The following STK31 variants were observed in gnomAD, a reference collection of about 807,000 sequenced individuals.
STK31 encodes serine/threonine-protein kinase 31.
A neutral mutation model predicts 129.7 loss-of-function variants in STK31; 89 were observed. The ratio of observed to expected loss-of-function variants is 0.69; its 90% CI spans 0.58 to 0.82. The LOEUF is 0.82. Ranked by LOEUF, STK31 falls within the 40% of genes least tolerant of loss-of-function variation. STK31 has a pLI of 0.00. For synonymous variants in STK31, 448 were observed against 395.3 expected, an observed-to-expected ratio of 1.13 and a Z score of -1.58; for missense variants, 1,187 against 1,176.4, an observed-to-expected ratio of 1.01 and a Z score of -0.13.
intron 22 of STK31, among the ~76,000 whole-genome samples, chr7:23,793,554 C>T (rs1791769431): frequency 6.6e-6 from 1 of 152,072 alleles, no homozygotes; most frequent in Admixed American, 6.6e-5. Flanking sequence ...GAAGACTGCC[C>T]AGTTAAGAAA....
intron 22 of STK31, among the ~76,000 whole-genome samples, chr7:23,795,365 T>G (rs1791889048): frequency 6.6e-6 from 1 of 152,220 alleles, no homozygotes. Flanking sequence ...AGAATGGTGG[T>G]TTGGGAACTT....
At chr7:23,752,595 C>T (rs1788779971) in intron 8 of STK31, 122 bp from the exon 9 acceptor site, 2 of 698,532 alleles carry the variant, frequency 2.9e-6, no homozygotes, top group Non-Finnish European at 5.1e-6. Context: ...TCCTCCTTGG[C>T]CTCCCAAAGT....
intron 17 of STK31, among the ~76,000 whole-genome samples, chr7:23,785,106 A>C (rs1429552446): frequency 6.6e-6 from 1 of 152,180 alleles, no homozygotes; most frequent in Non-Finnish European, 1.5e-5. Context: ...ACACTAACCC[A>C]ATATGTAGTC....
intron 11 of STK31, among the ~76,000 whole-genome samples, chr7:23,767,615 G>C (rs540360338): frequency 1.3e-5 from 2 of 152,296 alleles, no homozygotes; most frequent in African/African-American, 2.4e-5. Context: ...GAAGGAAAGA[G>C]AATGGTCAGG....
In STK31 at chr7:23,717,394, T is replaced by C. The variant is rs1341826006; in HGVS notation, c.151-87T>C. On this transcript the variant is annotated intron_variant, in intron 3 of 23. Coordinates refer to ENST00000355870, the MANE Select transcript of STK31 (RefSeq NM_031414.5). ...TTAATTTCTAATGGCCTAAAATCTT[T>C]TAAGTTTATCATGCTTAGAACCCTC... is the stretch of plus-strand genomic sequence containing the variant. The C allele has an allele frequency of 1.6e-5, 8 of 504,804 alleles. No homozygotes were observed. The East Asian group carries it at 2.9e-4, about 18-fold the overall frequency. The allele number at this position is 504,804 out of a possible 1,614,324, so 31.3% of individuals were successfully genotyped here.
intron 23 of STK31, among the ~76,000 whole-genome samples, chr7:23,821,133 T>G (rs139938352): frequency 4.6e-5 from 7 of 152,326 alleles, no homozygotes; most frequent in African/African-American, 1.7e-4. Flanking sequence ...TTTCATATAC[T>G]GATTTCCTTT....
At chr7:23,756,871 G>A (rs959746220) in intron 10 of STK31, among the ~76,000 whole-genome samples, 4 of 152,142 alleles carry the variant, frequency 2.6e-5, no homozygotes, top group Non-Finnish European at 5.9e-5. Flanking sequence ...GTTTTTTGAT[G>A]TGCTGCGGGA....
chr7:23,714,007 A>G (rs992511223), intron 3 of STK31, among the ~76,000 whole-genome samples: 2 of 152,104 alleles, frequency 1.3e-5, no homozygotes, highest in African/African-American at 4.8e-5. Flanking sequence ...CAAATATGTG[A>G]GTAATGCATT....
intron 8 of STK31, among the ~76,000 whole-genome samples, chr7:23,743,976 G>A (rs1449259959): frequency 5.3e-5 from 8 of 151,850 alleles, no homozygotes; most frequent in Non-Finnish European, 1.2e-4. Context: ...ATAGAGTGCA[G>A]TGGCACAATC....
At chr7:23,767,419 A>G (rs1183862008) in intron 11 of STK31, among the ~76,000 whole-genome samples, 1 of 152,148 alleles carries the variant, frequency 6.6e-6, no homozygotes, top group Non-Finnish European at 1.5e-5. Flanking sequence ...GAATGGGGTT[A>G]TTTTTATTTT....
chr7:23,823,353 A>G (rs56228207), intron 23 of STK31, among the ~76,000 whole-genome samples: 22,776 of 152,018 alleles, frequency 0.15, 1,794 homozygotes, highest in East Asian at 0.22. Context: ...GCCAGTGATG[A>G]TGAGCATTTT....
chr7:23,754,902 A>G (rs928246467), intron 10 of STK31, among the ~76,000 whole-genome samples: 4 of 152,278 alleles, frequency 2.6e-5, no homozygotes, highest in African/African-American at 9.6e-5. Context: ...TCTATCGTTG[A>G]TGGGCATTTG....
chr7:23,805,082 T>TC (rs1491573455), intron 22 of STK31, among the ~76,000 whole-genome samples: 1 of 76,696 alleles, frequency 1.3e-5, no homozygotes. Flanking sequence ...TCTCTCTCTC[T>TC]TTTTTTTTTT....
chr7:23,769,561 C>A, intron 12 of STK31, 79 bp from the exon 13 acceptor site: 1 of 983,040 alleles, frequency 1.0e-6, no homozygotes, highest in Non-Finnish European at 1.6e-6. Context: ...TAGCTTAATA[C>A]TCTGCTTCAG....
intron 8 of STK31, among the ~76,000 whole-genome samples, chr7:23,751,741 T>A (rs1382938464): frequency 1.3e-5 from 2 of 152,214 alleles, no homozygotes; most frequent in African/African-American, 4.8e-5. Context: ...AAAAGTTCTA[T>A]TATTATGCAA....
At chr7:23,798,864 A>T (rs1212608790) in intron 22 of STK31, among the ~76,000 whole-genome samples, 1 of 152,224 alleles carries the variant, frequency 6.6e-6, no homozygotes, top group East Asian at 1.9e-4. Context: ...CTCAGCCCAA[A>T]ATCTCCTTAA....
At chr7:23,831,990 G>A in intron 23 of STK31, 146 bp from the exon 24 acceptor site, 1 of 590,294 alleles carries the variant, frequency 1.7e-6, no homozygotes, top group Non-Finnish European at 3.0e-6. Flanking sequence ...GTTTTTTTTT[G>A]TTGAGGGGAG....
intron 10 of STK31, among the ~76,000 whole-genome samples, chr7:23,757,241 G>C (rs552353774): frequency 6.6e-6 from 1 of 152,090 alleles, no homozygotes; most frequent in Non-Finnish European, 1.5e-5. Flanking sequence ...ACCTGTGGGC[G>C]TTTCTCGTCA....
chr7:23,737,835 C>T (rs770216819), intron 8 of STK31, among the ~76,000 whole-genome samples: 1 of 151,258 alleles, frequency 6.6e-6, no homozygotes, highest in Non-Finnish European at 1.5e-5. Flanking sequence ...AAATTTTCCC[C>T]CCCAGGGATA....
Sources: gnomAD v4.1 joint callset for allele counts (sites outside exome capture counted in the v4.1 genomes callset) on GRCh38, gnomAD v4.1.1 for gene constraint, MANE v1.5 for transcripts, NCBI Gene and HGNC (gene_info 2026-07-23, HGNC 2026-07-21) for gene names.